The following KIF13A variants were observed in gnomAD, a reference collection of about 807,000 sequenced individuals.
KIF13A encodes the protein kinesin family member 13A, also known as kinesin-like protein KIF13A.
Under a neutral mutation model 212.2 loss-of-function variants are expected in KIF13A, and 79 were observed. The ratio of observed to expected loss-of-function variants is 0.37; its 90% CI spans 0.31 to 0.45. The LOEUF (loss-of-function observed/expected upper bound fraction) is 0.45. KIF13A is among the 20% of genes least tolerant of loss of function. KIF13A has a pLI of 1.00. For synonymous variants in KIF13A, 789 were observed against 808.6 expected, an observed-to-expected ratio of 0.98 and a Z score of 0.41; for missense variants, 1,901 against 2,209.0, an observed-to-expected ratio of 0.86 and a Z score of 2.79.
intron 16 of KIF13A, chr6:17,822,010 G>A (rs1764502486): frequency 2.5e-6 from 3 of 1,221,870 alleles, no homozygotes; most frequent in Non-Finnish European, 3.4e-6. Flanking sequence ...CACTGGAACT[G>A]GGTAAAGGAT....
In KIF13A at chr6:17,771,751, T is replaced by C; in HGVS notation, c.4476+157A>G. ...AACAAACAAGAGATTCTACCATGAC[T>C]CTGCATGCTTGAGAAAGAGGAATTC... On this transcript the variant is annotated intron_variant, in intron 37 of 38. Transcript: ENST00000259711. This position sits in a 1 kb window ranked among gnomAD's most constrained non-coding sequence, Gnocchi z 5.4. 2 of 638,078 alleles carry C rather than the reference T, an allele frequency of 3.1e-6. No individual in the cohort carries two copies. The highest frequency in any genetic ancestry group is 5.5e-6 in the Non-Finnish European group (2 of 361,768). 39.5% of individuals were successfully genotyped at this position (638,078 alleles called of 1,614,324 possible). A position where few individuals can be genotyped will look rare whatever the true frequency, so the allele number is the denominator to read the frequency against.
At chr6:17,875,500 G>A (rs1258705682) in intron 3 of KIF13A, among the ~76,000 whole-genome samples, 1 of 150,076 alleles carries the variant, frequency 6.7e-6, no homozygotes, top group Non-Finnish European at 1.5e-5. Flanking sequence ...TGTCACCCAG[G>A]CTGCAGTGCA....
chr6:17,984,460 T>C lies in KIF13A; in HGVS notation c.146+2594A>G. 1.1e-6 allele frequency: 1 copy of C among 918,598 alleles called. No homozygotes were observed. The highest frequency in any genetic ancestry group is 1.3e-6 in the Non-Finnish European group (1 of 770,740). 56.9% of individuals were successfully genotyped at this position (918,598 alleles called of 1,614,324 possible). A position where few individuals can be genotyped will look rare whatever the true frequency, so the allele number is the denominator to read the frequency against. On this transcript the variant is annotated intron_variant, in intron 2 of 38. Transcript: ENST00000259711. This position sits in a 1 kb window ranked among gnomAD's most constrained non-coding sequence, Gnocchi z 5.0. ...CCTGGACCTATGCAATGTATTACAA[T>C]ACTAGAATTTCAGCAACAAAACAAA... is the stretch of plus-strand genomic sequence containing the variant.
intron 3 of KIF13A, among the ~76,000 whole-genome samples, chr6:17,889,087 T>C (rs377199540): frequency 2.7e-4 from 41 of 152,226 alleles, no homozygotes; most frequent in African/African-American, 7.7e-4. Flanking sequence ...AGCAAAACAG[T>C]AGAGGCAACA....
chr6:17,883,555 G>A lies in KIF13A; in HGVS notation c.160-10118C>T, dbSNP rs867551942. ...CTCCATTTTTACTTCAACTGCCACA[G>A]TAACAGACTGGTGTCACCCTACAGG... is the stretch of plus-strand genomic sequence containing the variant. On this transcript the variant is annotated intron_variant, in intron 3 of 38. Coordinates refer to ENST00000259711, the MANE Select transcript of KIF13A (RefSeq NM_022113.6). The surrounding 1 kb of genome is among the most constrained non-coding windows in gnomAD (Gnocchi z 4.8). Among the ~76,000 whole-genome samples, 42 of 152,144 alleles carry A rather than the reference G, an allele frequency of 2.8e-4. No homozygotes were observed. The highest frequency in any genetic ancestry group is 9.9e-4 in the African/African-American group (41 of 41,428).
chr6:17,863,984 G>A (rs886081581), intron 4 of KIF13A, among the ~76,000 whole-genome samples: 1 of 152,120 alleles, frequency 6.6e-6, no homozygotes, highest in Non-Finnish European at 1.5e-5. Context: ...CATAAAAGAC[G>A]CAATATCTCC....
At chr6:17,925,382 G>A (rs1420278456) in intron 2 of KIF13A, among the ~76,000 whole-genome samples, 1 of 152,204 alleles carries the variant, frequency 6.6e-6, no homozygotes, top group African/African-American at 2.4e-5. Flanking sequence ...TTTGGTGGAG[G>A]AAATGAGGAA....
chr6:17,960,787 T>C (rs1256981007), intron 2 of KIF13A, among the ~76,000 whole-genome samples: 2 of 152,216 alleles, frequency 1.3e-5, no homozygotes, highest in Non-Finnish European at 2.9e-5. Context: ...TATCATATAG[T>C]AGTGCAGGAG....
At chr6:17,910,529 T>C (rs1344864909) in intron 2 of KIF13A, among the ~76,000 whole-genome samples, 1 of 152,250 alleles carries the variant, frequency 6.6e-6, no homozygotes, top group Non-Finnish European at 1.5e-5. Context: ...TTTAATAGTT[T>C]GACTACTGAA....
chr6:17,859,744 T>C (rs1768552356), intron 4 of KIF13A, among the ~76,000 whole-genome samples: 1 of 150,952 alleles, frequency 6.6e-6, no homozygotes, highest in South Asian at 2.1e-4. Context: ...CAAGTGATTC[T>C]CCTGCCTCCG....
intron 9 of KIF13A, among the ~76,000 whole-genome samples, chr6:17,840,619 C>T (rs1766418058): frequency 6.6e-6 from 1 of 151,954 alleles, no homozygotes; most frequent in South Asian, 2.1e-4. Flanking sequence ...GAAGACTTTC[C>T]TCTACTTTGT....
chr6:17,760,984 T>G, downstream of KIF13A: 64 of 1,073,300 alleles, frequency 6.0e-5, no homozygotes, highest in Non-Finnish European at 7.7e-5. Context: ...AAAGGGGCTC[T>G]TCCTGAAGGG....
chr6:17,828,295 C>T lies in KIF13A; in HGVS notation c.1477G>A (p.Glu493Lys), dbSNP rs1184765054. ...TCTCCATCAGATGCAATGTCAATCT[C>T]ACAGTGCTGAGGCTGAATTCCTATG... ...FGIGIQPQHC[E>K]IDIASDGDVT... Residue 493 changes from glutamate (E) to lysine (K), a missense_variant, in exon 14 of 39, where the codon GAG becomes AAG. Physicochemically the swap from Glu to Lys is moderately conservative, Grantham distance 56. This residue lies in a region of KIF13A where 506 missense variants were observed against 637.4 expected (regional missense o/e 0.79). Coordinates refer to ENST00000259711, the MANE Select transcript of KIF13A (RefSeq NM_022113.6). The surrounding 1 kb of genome is among the most constrained non-coding windows in gnomAD (Gnocchi z 4.3). The T allele has an allele frequency of 1.2e-6, 2 of 1,610,354 alleles. No homozygotes were observed. Among genetic ancestry groups the T allele is most frequent in the Admixed American group, 1.7e-5 (1 of 59,544 alleles).
chr6:17,777,383 C>CTT lies in KIF13A; in HGVS notation c.4093-31_4093-30dup, dbSNP rs11396690. 0.057 allele frequency: 72,995 copies of CTT among 1,281,922 alleles called. 376 individuals carry two copies. Among genetic ancestry groups the CTT allele is most frequent in the African/African-American group, 0.15 (9,590 of 64,914 alleles). The allele number at this position is 1,281,922 out of a possible 1,614,324, so 79.4% of individuals were successfully genotyped here. On this transcript the variant is annotated intron_variant, in intron 33 of 38. Transcript: ENST00000259711. The surrounding 1 kb of genome is among the most constrained non-coding windows in gnomAD (Gnocchi z 4.4). ...TAAACATAATAATTTGAAAATAACA[C>CTT]TTTTTTTTTTTTTCCCCAGAGACAG...
At position 17,764,622 on chromosome 6, in the gene KIF13A, A is replaced by G. The variant is rs543574521; in HGVS notation, c.4906T>C (p.Ser1636Pro). The change falls in exon 39 of 39, where the codon TCC (serine) becomes CCC (proline). Residue 1636 changes from serine to proline, a missense_variant. Transcript: ENST00000259711. The surrounding 1 kb of genome is among the most constrained non-coding windows in gnomAD (Gnocchi z 5.1). ...QTKDADSTEH[S>P]TPSLVHDFRP... ...AAATCATGCACAAGCGATGGTGTGGAGTGCTCGGTGGAGTCTGCATCCTTC... is the reference window on the plus strand; with the variant it reads ...AAATCATGCACAAGCGATGGTGTGGGGTGCTCGGTGGAGTCTGCATCCTTC... The G allele has an allele frequency of 1.2e-6, 2 of 1,613,808 alleles. No individual in the cohort carries two copies. Among genetic ancestry groups the G allele is most frequent in the East Asian group, 2.2e-5 (1 of 44,852 alleles).
chr6:17,976,777 G>A (rs190893966), intron 2 of KIF13A, among the ~76,000 whole-genome samples: 235 of 150,800 alleles, frequency 1.6e-3, no homozygotes, highest in Middle Eastern at 6.8e-3. Context: ...ACTCTATCCT[G>A]GGCAACAGAG....
chr6:17,885,774 G>T (rs1771486326), intron 3 of KIF13A, among the ~76,000 whole-genome samples: 1 of 152,184 alleles, frequency 6.6e-6, no homozygotes, highest in Non-Finnish European at 1.5e-5. Context: ...AACTAGTGGT[G>T]CATAAGCAAT....
At chr6:17,832,615 G>A (rs1181534000) in intron 12 of KIF13A, among the ~76,000 whole-genome samples, 1 of 151,746 alleles carries the variant, frequency 6.6e-6, no homozygotes, top group African/African-American at 2.4e-5. Context: ...TCCAGCCTGG[G>A]TGACAAAGCA....
At chr6:17,957,925 T>G (rs1030460539) in intron 2 of KIF13A, among the ~76,000 whole-genome samples, 5 of 152,224 alleles carry the variant, frequency 3.3e-5, no homozygotes, top group African/African-American at 4.8e-5. Context: ...TGACAATGAC[T>G]TCACATACTT....
Sources: allele counts gnomAD v4.1 joint callset (sites outside exome capture counted in the v4.1 genomes callset), GRCh38; gene constraint gnomAD v4.1.1; regional missense constraint gnomAD v4.1.1; non-coding constraint Gnocchi (gnomAD v3.1); transcripts MANE v1.5; gene names NCBI Gene and HGNC (gene_info 2026-07-23, HGNC 2026-07-21).